C11orf58: variants seen among roughly 807,000 people sequenced by gnomAD.
C11orf58 encodes the protein small acidic protein.
Under a neutral mutation model 22.7 loss-of-function variants are expected in C11orf58, and 5 were observed. That is an observed-to-expected ratio of 0.22 (90% CI 0.12 to 0.46). The LOEUF is 0.46. Ranked by LOEUF, C11orf58 falls within the 20% of genes least tolerant of loss-of-function variation. The pLI, the probability that C11orf58 is intolerant of heterozygous loss-of-function variation, is 0.99. For synonymous variants in C11orf58, 71 were observed against 70.7 expected (o/e 1.00, Z -0.02); for missense variants, 151 against 223.3 (o/e 0.68, Z 2.06).
At chr11:16,754,089 T>A (rs1848554843) in intron 4 of C11orf58, 1 of 398,888 alleles carries the variant, frequency 2.5e-6, no homozygotes, top group Non-Finnish European at 4.4e-6. Flanking sequence ...AGAGCTTTTT[T>A]ATTTTTTTTT....
chr11:16,743,272 T>C (rs1360106655), intron 1 of C11orf58, among the ~76,000 whole-genome samples: 2 of 152,208 alleles, frequency 1.3e-5, no homozygotes, highest in Admixed American at 1.3e-4. Flanking sequence ...GCATAAACAT[T>C]GTAAAAGATG....
intron 4 of C11orf58, among the ~76,000 whole-genome samples, chr11:16,753,284 C>T (rs1357820279): frequency 6.6e-6 from 1 of 151,910 alleles, no homozygotes; most frequent in Admixed American, 6.6e-5. Context: ...ACCAGGCTGG[C>T]CTCAAACTCC....
intron 3 of C11orf58, 95 bp downstream of exon 3, chr11:16,748,252 G>T: frequency 9.3e-7 from 1 of 1,077,936 alleles, no homozygotes; most frequent in Non-Finnish European, 1.4e-6. Flanking sequence ...GCATGTAATT[G>T]TGTAAATTAT....
intron 2 of C11orf58, among the ~76,000 whole-genome samples, chr11:16,745,723 A>G (rs1037359145): frequency 8.5e-5 from 13 of 152,200 alleles, no homozygotes; most frequent in Non-Finnish European, 1.8e-4. Context: ...GAAAATATCT[A>G]TTGTAAAAAC....
At chr11:16,754,834 G>A (rs772005690) in intron 4 of C11orf58, 37 bp from the exon 5 acceptor site, 7 of 1,606,780 alleles carry the variant, frequency 4.4e-6, no homozygotes, top group Non-Finnish European at 5.9e-6. Context: ...ATGGGCTAAT[G>A]TTTATTTTTA....
rs369541187 is a variant in C11orf58, at chr11:16,744,622, G to T, written c.85G>T (p.Ala29Ser). 16 of 1,613,862 alleles carry T rather than the reference G, an allele frequency of 9.9e-6. No individual in the cohort carries two copies. Among genetic ancestry groups the T allele is most frequent in the Non-Finnish European group, 1.4e-5 (16 of 1,179,904 alleles). The stretch of plus-strand genomic sequence containing the variant: ...CTAGCTGGGATCTAGCAATTGGGAG[G>T]CAGCAGACTTGGGTAATGAAGAGAG... Reference protein sequence around the residue: ...DDDLGSSNWEAADLGNEERKQ... With the variant: ...DDDLGSSNWESADLGNEERKQ... The change falls in exon 2 of 5, where the codon GCA (alanine) becomes TCA (serine). Residue 29 changes from alanine to serine, a missense_variant. By Grantham distance (99) the Ala-to-Ser change is moderately conservative. Coordinates refer to ENST00000228136, the MANE Select transcript of C11orf58 (RefSeq NM_014267.6).
chr11:16,739,169 G>A (rs1848422881), intron 1 of C11orf58, among the ~76,000 whole-genome samples: 1 of 152,080 alleles, frequency 6.6e-6, no homozygotes, highest in Admixed American at 6.5e-5. Context: ...TCGGGCCTTT[G>A]TACTCAGTAT....
At chr11:16,749,294 A>G (rs1208249630) in intron 3 of C11orf58, 1 of 152,256 alleles carries the variant, frequency 6.6e-6, no homozygotes, top group Non-Finnish European at 1.5e-5. Context: ...ATGCTAACAC[A>G]GCATATGTAG....
At chr11:16,747,038 G>A (rs926434271) in intron 2 of C11orf58, 3 of 152,164 alleles carry the variant, frequency 2.0e-5, no homozygotes, top group Non-Finnish European at 4.4e-5. Context: ...TGTAATCCTA[G>A]CCGGCTATCA....
At chr11:16,739,724 G>A (rs2134065957) in intron 1 of C11orf58, 1 of 152,280 alleles carries the variant, frequency 6.6e-6, no homozygotes, top group African/African-American at 2.4e-5. Flanking sequence ...ACGTTGATGG[G>A]GAAAATTGTT....
chr11:16,753,951 T>C, intron 4 of C11orf58: 2 of 555,686 alleles, frequency 3.6e-6, no homozygotes, highest in South Asian at 4.6e-5. Flanking sequence ...CTTTCCGCCT[T>C]CCAAAGTGCT....
intron 2 of C11orf58, chr11:16,747,832 C>G (rs1210077408): frequency 8.8e-6 from 2 of 226,930 alleles, no homozygotes; most frequent in Non-Finnish European, 1.7e-5. Context: ...AAATTCCAAC[C>G]TGCTCTACTC....
At chr11:16,748,766 T>TATA (rs1447243464) in intron 3 of C11orf58, among the ~76,000 whole-genome samples, 1 of 151,824 alleles carries the variant, frequency 6.6e-6, no homozygotes, top group Non-Finnish European at 1.5e-5. Flanking sequence ...ATTAGAAATG[T>TATA]ATAATAGGTA....
At chr11:16,748,239 T>G in intron 3 of C11orf58, 82 bp downstream of exon 3, 1 of 1,227,368 alleles carries the variant, frequency 8.1e-7, no homozygotes, top group African/African-American at 1.5e-5. Flanking sequence ...ATATTCTACT[T>G]TGGCATGTAA....
intron 1 of C11orf58, 55 bp downstream of exon 1, chr11:16,738,896 G>A: frequency 6.2e-7 from 1 of 1,603,158 alleles, no homozygotes; most frequent in Non-Finnish European, 8.5e-7. Context: ...GCCTGGAGTA[G>A]GCCGGGAAGG....
chr11:16,743,916 C>T (rs565013750), intron 1 of C11orf58, among the ~76,000 whole-genome samples: 1 of 152,156 alleles, frequency 6.6e-6, no homozygotes, highest in East Asian at 1.9e-4. Context: ...TCAGTGGACT[C>T]ATTTGATAAT....
chr11:16,741,360 G>A (rs116791400), intron 1 of C11orf58, among the ~76,000 whole-genome samples: 1,722 of 152,292 alleles, frequency 0.011, 26 homozygotes, highest in African/African-American at 0.039. Context: ...CTGTAGTAAA[G>A]GGTATTAAGG....
chr11:16,753,956 A>G, intron 4 of C11orf58: 1 of 554,974 alleles, frequency 1.8e-6, no homozygotes, highest in South Asian at 2.3e-5. Flanking sequence ...CGCCTTCCAA[A>G]GTGCTGGAAC....
chr11:16,738,888 C>T (rs766903508), intron 1 of C11orf58, 47 bp downstream of exon 1: 80 of 1,608,414 alleles, frequency 5.0e-5, no homozygotes, highest in Admixed American at 1.8e-4. Flanking sequence ...CTACTAAAGC[C>T]TGGAGTAGGC....
Sources: gnomAD v4.1 joint callset for allele counts (sites outside exome capture counted in the v4.1 genomes callset) on GRCh38, gnomAD v4.1.1 for gene constraint, MANE v1.5 for transcripts, NCBI Gene and HGNC (gene_info 2026-07-23, HGNC 2026-07-21) for gene names.